DPP6: variants seen among roughly 807,000 people sequenced by gnomAD.
DPP6 encodes the protein dipeptidyl peptidase like 6, also known as A-type potassium channel modulatory protein DPP6.
In DPP6, 69 loss-of-function variants were observed where a neutral mutation model predicts 122.6. The observed-to-expected ratio is 0.56, with a 90% CI of 0.46 to 0.69. DPP6 has a LOEUF of 0.69. Ranked by LOEUF, DPP6 falls within the 30% of genes least tolerant of loss-of-function variation. The probability of loss-of-function intolerance (pLI) is 0.00; values close to 1 mark genes in which losing one functional copy is unlikely to be tolerated. For missense variants in DPP6, 928 were observed against 1,116.9 expected (o/e 0.83, Z 2.41); for synonymous variants, 418 against 433.1 (o/e 0.97, Z 0.43).
the DPP6 span, among the ~76,000 whole-genome samples, chr7:153,779,064 A>G: frequency 2.7e-5 from 4 of 147,464 alleles, no homozygotes; most frequent in African/African-American, 8.1e-5. Flanking sequence ...AGGCTAAGTG[A>G]AAAAAGCCAC....
At chr7:154,843,134 C>T (rs1223555330) in intron 16 of DPP6, among the ~76,000 whole-genome samples, 1 of 152,128 alleles carries the variant, frequency 6.6e-6, no homozygotes, top group Non-Finnish European at 1.5e-5. Context: ...CATTTAAAAG[C>T]GTATCCTAAA....
At chr7:153,966,597 A>C (rs1186824269) in intron 1 of DPP6, among the ~76,000 whole-genome samples, 1 of 3,526 alleles carries the variant, frequency 2.8e-4, no homozygotes, top group Non-Finnish European at 4.8e-4. Context: ...TACTGCATAT[A>C]GCCCTTTTTT....
At chr7:154,652,443 T>C (rs1586815136) in intron 6 of DPP6, among the ~76,000 whole-genome samples, 2 of 151,624 alleles carry the variant, frequency 1.3e-5, no homozygotes, top group African/African-American at 4.9e-5. Flanking sequence ...CACACTTAGA[T>C]TGGTTTAAAA....
intron 1 of DPP6, among the ~76,000 whole-genome samples, chr7:154,011,963 A>C: frequency 6.6e-6 from 1 of 152,246 alleles, no homozygotes; most frequent in Non-Finnish European, 1.5e-5. Flanking sequence ...GAAACTGTAC[A>C]AAATGATAGA....
rs1801542152 is a variant in DPP6, at chr7:154,060,284, GGCAATCC to G, written c.243+7222_243+7228del. Reference sequence around the variant, plus strand: ...ACCCCCCGCGAGGCAGGGACTGAGAGGCAATCCCTCTTCCCCCCCTGGCTCTTAGGAC... The same window carrying G: ...ACCCCCCGCGAGGCAGGGACTGAGAGCTCTTCCCCCCCTGGCTCTTAGGAC... On this transcript the variant is annotated intron_variant, in intron 1 of 25. Transcript: ENST00000377770. 2.4e-5 allele frequency among the ~76,000 whole-genome samples: 3 copies of G among 122,676 alleles called. 1 individual carries two copies. The highest frequency in any genetic ancestry group is 5.3e-5 in the Non-Finnish European group (3 of 56,144). The allele number at this position is 122,676 out of a possible 152,430, so 80.5% of individuals were successfully genotyped here.
intron 7 of DPP6, among the ~76,000 whole-genome samples, chr7:154,718,631 C>T (rs1841626471): frequency 7.1e-6 from 1 of 141,432 alleles, no homozygotes; most frequent in Admixed American, 7.6e-5. Context: ...AGACTTCCTC[C>T]TCCTTTTTTT....
intron 1 of DPP6, among the ~76,000 whole-genome samples, chr7:153,997,330 G>A (rs1157451884): frequency 1.3e-5 from 2 of 152,232 alleles, no homozygotes; most frequent in Non-Finnish European, 2.9e-5. Context: ...CTGAGCCAAG[G>A]TCAAGCTGGG....
At chr7:154,331,841 A>G (rs137938513) in intron 1 of DPP6, among the ~76,000 whole-genome samples, 115 of 152,250 alleles carry the variant, frequency 7.6e-4, no homozygotes, top group Admixed American at 1.6e-3. Flanking sequence ...TTCCCAAAAT[A>G]CAGTTACTAT....
At chr7:154,189,658 G>A (rs1798517544) in intron 1 of DPP6, among the ~76,000 whole-genome samples, 1 of 152,130 alleles carries the variant, frequency 6.6e-6, no homozygotes, top group Non-Finnish European at 1.5e-5. Context: ...TCATTGCGTA[G>A]ATTCTCATTA....
At chr7:154,223,319 C>A (rs964919610) in intron 1 of DPP6, among the ~76,000 whole-genome samples, 2 of 149,452 alleles carry the variant, frequency 1.3e-5, no homozygotes, top group Non-Finnish European at 2.9e-5. Flanking sequence ...TCCATTAACA[C>A]GTTTTGCAAA....
intron 1 of DPP6, among the ~76,000 whole-genome samples, chr7:154,147,648 TTGTGTGTGTGTG>T (rs370147218): frequency 2.7e-5 from 4 of 146,476 alleles, no homozygotes; most frequent in African/African-American, 1.0e-4. Flanking sequence ...CCCAGCTAAT[TTGTGTGTGTGTG>T]TGTGTGTGTG....
chr7:154,864,060 A>G (rs1333099119), intron 17 of DPP6, among the ~76,000 whole-genome samples: 4 of 152,184 alleles, frequency 2.6e-5, no homozygotes, highest in African/African-American at 9.7e-5. Context: ...GGCCTGGACT[A>G]GAAAGGCACA....
At chr7:153,757,580 T>C in the DPP6 span, among the ~76,000 whole-genome samples, 3 of 152,186 alleles carry the variant, frequency 2.0e-5, no homozygotes. Context: ...TCTCTGGGCC[T>C]TTGTTCACCT....
chr7:154,315,711 G>A (rs548890298), intron 1 of DPP6, among the ~76,000 whole-genome samples: 5 of 152,268 alleles, frequency 3.3e-5, no homozygotes, highest in African/African-American at 1.2e-4. Context: ...GATCCCAGAA[G>A]TGGTAGGTAA....
chr7:153,870,561 C>T, the DPP6 span, among the ~76,000 whole-genome samples: 17 of 152,232 alleles, frequency 1.1e-4, 1 homozygote, highest in Admixed American at 9.8e-4. Context: ...TCTAATTTTT[C>T]CCAAGGTTTT....
At chr7:154,562,903 GA>G (rs764319047) in intron 4 of DPP6, among the ~76,000 whole-genome samples, 9 of 152,084 alleles carry the variant, frequency 5.9e-5, no homozygotes, top group Non-Finnish European at 1.3e-4. Context: ...TCTGTATTCT[GA>G]AAACTGCAAA....
chr7:154,840,359 C>T (rs147760621), intron 16 of DPP6, among the ~76,000 whole-genome samples: 1 of 152,354 alleles, frequency 6.6e-6, no homozygotes, highest in Non-Finnish European at 1.5e-5. Context: ...GGGCAGCAAC[C>T]TCAGCCTGCA....
At chr7:154,317,902 G>A (rs886570554) in intron 1 of DPP6, among the ~76,000 whole-genome samples, 9 of 152,212 alleles carry the variant, frequency 5.9e-5, no homozygotes, top group Non-Finnish European at 1.2e-4. Context: ...TGTGAGTGGA[G>A]AGTCTGGCTT....
rs2131324446 is a variant in DPP6, at chr7:154,716,588, G to T, written c.763-11179G>T. ...GCTGCTCCTGGATGTGGGACAGCAG[G>T]TGCATGCCTGATCAAATGTGGTATC... On this transcript the variant is annotated intron_variant, in intron 7 of 25. Transcript: ENST00000377770. Among the ~76,000 whole-genome samples, 3 of 152,222 alleles carry T rather than the reference G, an allele frequency of 2.0e-5. No individual in the cohort carries two copies. The Middle Eastern group carries it at 0.01, about 518-fold the overall frequency.
Sources: gnomAD v4.1 joint callset for allele counts (sites outside exome capture counted in the v4.1 genomes callset) on GRCh38, gnomAD v4.1.1 for gene constraint, MANE v1.5 for transcripts, NCBI Gene and HGNC (gene_info 2026-07-23, HGNC 2026-07-21) for gene names.